Variants in KIR2DL3 observed in about 807,000 individuals in gnomAD.
KIR2DL3 encodes killer cell immunoglobulin-like receptor 2DL3.
In KIR2DL3, 39 loss-of-function variants were observed where a neutral mutation model predicts 33.8. That is an observed-to-expected ratio of 1.15 (90% CI 0.89 to 1.51). The LOEUF (loss-of-function observed/expected upper bound fraction) is 1.51. Among genes scored for constraint, KIR2DL3 ranks in the 40% most tolerant of loss-of-function variants. KIR2DL3 has a pLI of 0.00. For synonymous variants in KIR2DL3, 174 were observed against 160.2 expected (o/e 1.09, Z -0.65); for missense variants, 462 against 426.2 (o/e 1.08, Z -0.74).
chr19:54,744,897 T>TATATATATATATATATACACAC (rs1555906428), intron 4 of KIR2DL3, among the ~76,000 whole-genome samples: 1 of 57,488 alleles, frequency 1.7e-5, no homozygotes, highest in Non-Finnish European at 3.5e-5. Context: ...TATATATATA[T>TATATATATATATATATACACAC]ACACACACAC....
intron 5 of KIR2DL3, 142 bp downstream of exon 5, chr19:54,747,527 C>G: frequency 1.5e-5 from 17 of 1,132,086 alleles, no homozygotes; most frequent in Non-Finnish European, 2.3e-5. Flanking sequence ...ACTCCAACAG[C>G]GAAAGGGATC....
intron 6 of KIR2DL3, 105 bp from the exon 7 acceptor site, chr19:54,752,111 G>T: frequency 8.0e-7 from 1 of 1,253,100 alleles, no homozygotes; most frequent in Non-Finnish European, 1.1e-6. Context: ...GGCAACTGAG[G>T]GACCTCAGGC....
intron 4 of KIR2DL3, among the ~76,000 whole-genome samples, chr19:54,744,884 A>ATGTG (rs1159709694): frequency 3.2e-5 from 3 of 94,298 alleles, no homozygotes; most frequent in South Asian, 3.2e-4. Flanking sequence ...ATATATATAT[A>ATGTG]TATATATATA....
chr19:54,744,120 A>G (rs10414385), intron 4 of KIR2DL3, 32 bp downstream of exon 4: 68,499 of 1,612,476 alleles, frequency 0.042, 1,800 homozygotes, highest in African/African-American at 0.12. Flanking sequence ...CTCATGTCCT[A>G]TGATCCTAGA....
chr19:54,743,130 G>A (rs2071497892), intron 3 of KIR2DL3, among the ~76,000 whole-genome samples: 1 of 151,956 alleles, frequency 6.6e-6, no homozygotes, highest in Admixed American at 6.6e-5. Flanking sequence ...GAGACCGAGA[G>A]GCAGAGCAAG....
intron 4 of KIR2DL3, among the ~76,000 whole-genome samples, chr19:54,747,087 G>A (rs1437042511): frequency 3.5e-5 from 5 of 141,694 alleles, no homozygotes; most frequent in Non-Finnish European, 6.2e-5. Context: ...ATGTGATGCT[G>A]TTTTGCTTAC....
chr19:54,752,478 G>A lies in KIR2DL3; in HGVS notation c.985G>A (p.Asp329Asn). The A allele has an allele frequency of 6.8e-7, 1 of 1,465,710 alleles. No individual in the cohort carries two copies. The highest frequency in any genetic ancestry group is 2.3e-5 in the East Asian group (1 of 44,258). The allele number at this position is 1,465,710 out of a possible 1,614,324, so 90.8% of individuals were successfully genotyped here. Residue 329 changes from aspartate to asparagine, a missense_variant, in exon 8 of 8, where the codon GAT becomes AAT. Physicochemically the swap from Asp to Asn is conservative, Grantham distance 23. Transcript: ENST00000342376. ...TCAGAGGCCCAAGACACCCCCAACA[G>A]ATATCATCGTGTACACGGAACTTCC... ...PSQRPKTPPTDIIVYTELPNA... is the reference protein window; with the variant it reads ...PSQRPKTPPTNIIVYTELPNA...
At chr19:54,748,130 C>T (rs1322813965) in intron 5 of KIR2DL3, among the ~76,000 whole-genome samples, 1 of 149,610 alleles carries the variant, frequency 6.7e-6, no homozygotes, top group African/African-American at 2.5e-5. Flanking sequence ...AGTTCCTTGG[C>T]TCCTGTTCCC....
intron 1 of KIR2DL3, 136 bp from the exon 2 acceptor site, chr19:54,739,371 T>A: frequency 6.9e-7 from 1 of 1,454,060 alleles, no homozygotes; most frequent in Non-Finnish European, 9.6e-7. Context: ...TGTTCTTGGG[T>A]GCAGGTAGGC....
chr19:54,743,654 T>C (rs758734154), intron 3 of KIR2DL3, 141 bp from the exon 4 acceptor site: 5 of 975,442 alleles, frequency 5.1e-6, no homozygotes, highest in Non-Finnish European at 5.9e-6. Flanking sequence ...GAAATAGACA[T>C]GAAGAGAGAT....
chr19:54,742,925 C>T (rs769345616), intron 3 of KIR2DL3, among the ~76,000 whole-genome samples: 638 of 151,272 alleles, frequency 4.2e-3, no homozygotes, highest in Middle Eastern at 0.017. Context: ...CATAAACACA[C>T]AGAGAATGAG....
chr19:54,745,064 G>A (rs1200180931), intron 4 of KIR2DL3, among the ~76,000 whole-genome samples: 1 of 149,452 alleles, frequency 6.7e-6, no homozygotes, highest in African/African-American at 2.5e-5. Context: ...CTGTATATGG[G>A]TGAGAAATGG....
intron 2 of KIR2DL3, among the ~76,000 whole-genome samples, chr19:54,741,620 T>C (rs1252698242): frequency 6.6e-6 from 1 of 151,688 alleles, no homozygotes; most frequent in Non-Finnish European, 1.5e-5. Flanking sequence ...TTGCAATTCA[T>C]CCAAAAGAGA....
chr19:54,743,546 G>A (rs2071598296), intron 3 of KIR2DL3, among the ~76,000 whole-genome samples: 1 of 152,184 alleles, frequency 6.6e-6, no homozygotes, highest in Non-Finnish European at 1.5e-5. Context: ...CCAATCCAAG[G>A]AGAGTCAGAG....
At chr19:54,741,405 G>T (rs78463751) in intron 2 of KIR2DL3, among the ~76,000 whole-genome samples, 6,784 of 151,678 alleles carry the variant, frequency 0.045, 162 homozygotes, top group Middle Eastern at 0.085. Context: ...GATCAGCAAG[G>T]GTGGGATGAT....
intron 4 of KIR2DL3, among the ~76,000 whole-genome samples, chr19:54,744,921 C>CATATATATATGTGTATATAT (rs2072105959): frequency 1.6e-3 from 41 of 25,170 alleles, no homozygotes; most frequent in Admixed American, 3.4e-3. Flanking sequence ...CATATATAAA[C>CATATATATATGTGTATATAT]ATATATATAT....
rs1555926702 is a variant in KIR2DL3, at chr19:54,752,704, C to T, written c.*185C>T. ...CACCACAAATCTGAACGTGCCTCTC[C>T]CTTGCTTACAAATGTCTAAGGTCCC... On this transcript the variant is annotated 3_prime_UTR_variant, in exon 8 of 8. Coordinates refer to ENST00000342376, the MANE Select transcript of KIR2DL3 (RefSeq NM_015868.3). 333,424 of 851,412 alleles carry T rather than the reference C, an allele frequency of 0.39. 98,702 individuals carry two copies. Among genetic ancestry groups the T allele is most frequent in the Non-Finnish European group, 0.43 (242,390 of 563,906 alleles). 52.7% of individuals were successfully genotyped at this position (851,412 alleles called of 1,614,324 possible).
At chr19:54,741,057 A>G (rs1260944335) in intron 2 of KIR2DL3, among the ~76,000 whole-genome samples, 18 of 150,402 alleles carry the variant, frequency 1.2e-4, no homozygotes, top group South Asian at 4.3e-4. Context: ...AATAGGGTCC[A>G]ATTTCTGTCT....
rs2070600527 is a variant in KIR2DL3, at chr19:54,739,547, G to A, written c.70+5G>A. On this transcript the variant is annotated splice_donor_5th_base_variant and intron_variant, in intron 2 of 7. Coordinates refer to ENST00000342376, the MANE Select transcript of KIR2DL3 (RefSeq NM_015868.3). ...AGGGGGCCTGGCCACATGAGGGTGA[G>A]TCCTTCTCCAAACCTTCGGGTGTCA... The A allele has an allele frequency of 6.2e-7, 1 of 1,614,050 alleles. No homozygotes were observed.
Sources: allele counts gnomAD v4.1 joint callset (sites outside exome capture counted in the v4.1 genomes callset), GRCh38; gene constraint gnomAD v4.1.1; transcripts MANE v1.5; gene names NCBI Gene and HGNC (gene_info 2026-07-23, HGNC 2026-07-21).